CERK: variants seen among roughly 807,000 people sequenced by gnomAD.
CERK encodes the protein acylsphingosine kinase.
CERK carries 39 observed loss-of-function variants against 63.4 expected under a neutral mutation model. The ratio of observed to expected loss-of-function variants is 0.61; its 90% CI spans 0.48 to 0.80. The LOEUF is 0.80. CERK is among the 30% of genes least tolerant of loss of function. CERK has a pLI of 0.00. For synonymous variants in CERK, 302 were observed against 280.0 expected, an observed-to-expected ratio of 1.08 and a Z score of -0.78; for missense variants, 670 against 714.1, an observed-to-expected ratio of 0.94 and a Z score of 0.70.
At chr22:46,724,307 G>A (rs1014640576) in intron 1 of CERK, among the ~76,000 whole-genome samples, 4 of 152,190 alleles carry the variant, frequency 2.6e-5, no homozygotes, top group East Asian at 1.9e-4. Context: ...TGTGTTCATC[G>A]GCTATTTACA....
chr22:46,731,164 G>A (rs2082943466), intron 1 of CERK, among the ~76,000 whole-genome samples: 1 of 152,244 alleles, frequency 6.6e-6, no homozygotes, highest in African/African-American at 2.4e-5. Flanking sequence ...TGGAGACAAA[G>A]GGGCAGCCCA....
intron 1 of CERK, among the ~76,000 whole-genome samples, chr22:46,732,282 G>A (rs1031073259): frequency 3.9e-5 from 6 of 152,184 alleles, no homozygotes; most frequent in Non-Finnish European, 5.9e-5. Flanking sequence ...GGAAGTCCAC[G>A]CTGGGCTAAT....
intron 1 of CERK, among the ~76,000 whole-genome samples, chr22:46,727,259 C>T (rs1038371744): frequency 6.6e-6 from 1 of 151,990 alleles, no homozygotes; most frequent in Non-Finnish European, 1.5e-5. Flanking sequence ...TGTCAGCACA[C>T]CATTAGTAGC....
intron 6 of CERK, among the ~76,000 whole-genome samples, chr22:46,701,995 A>G (rs971545350): frequency 7.2e-5 from 11 of 152,108 alleles, no homozygotes; most frequent in African/African-American, 2.7e-4. Flanking sequence ...AGCCTGGCCA[A>G]CATGGTGAAA....
Position 46,691,556 on chromosome 22 carries a change from A to G in CERK, c.1332+16T>C. ...TACTCGCCAGTGGAGGCTCCATGCA[A>G]GAGCACCCCACTTACCTGGTCCTGC... is the stretch of plus-strand genomic sequence containing the variant. On this transcript the variant is annotated intron_variant, in intron 11 of 12. Coordinates refer to ENST00000216264, the MANE Select transcript of CERK (RefSeq NM_022766.6). 1 of 1,605,708 alleles carries G rather than the reference A, an allele frequency of 6.2e-7. No homozygotes were observed. Among genetic ancestry groups the G allele is most frequent in the Non-Finnish European group, 8.5e-7 (1 of 1,173,398 alleles).
intron 1 of CERK, among the ~76,000 whole-genome samples, chr22:46,721,391 C>T (rs377521281): frequency 3.7e-4 from 56 of 152,164 alleles, no homozygotes; most frequent in East Asian, 3.3e-3. Context: ...CTCCCGGGTT[C>T]GCGCCATTCT....
At chr22:46,720,875 G>T (rs767284479) in intron 2 of CERK, 27 bp downstream of exon 2, 2 of 1,349,238 alleles carry the variant, frequency 1.5e-6, no homozygotes, top group African/African-American at 2.9e-5. Context: ...AATGAAGAAT[G>T]TGGGAGAAGA....
chr22:46,720,229 T>G, intron 2 of CERK, 21 bp from the exon 3 acceptor site: 2 of 1,598,672 alleles, frequency 1.3e-6, no homozygotes, highest in South Asian at 2.2e-5. Flanking sequence ...GCAAGCATGC[T>G]CGTTAGTGCA....
At chr22:46,725,731 A>G (rs2082915091) in intron 1 of CERK, among the ~76,000 whole-genome samples, 1 of 152,188 alleles carries the variant, frequency 6.6e-6, no homozygotes, top group Non-Finnish European at 1.5e-5. Flanking sequence ...CATTCCAGAA[A>G]AATCAAATGC....
chr22:46,693,265 C>T (rs1404336982), intron 10 of CERK, among the ~76,000 whole-genome samples, 162 bp downstream of exon 10: 1 of 152,202 alleles, frequency 6.6e-6, no homozygotes. Flanking sequence ...GTAACAGTGA[C>T]CTGACGCTGC....
At chr22:46,690,819 A>G (rs2082726447) in intron 11 of CERK, among the ~76,000 whole-genome samples, 1 of 152,190 alleles carries the variant, frequency 6.6e-6, no homozygotes, top group African/African-American at 2.4e-5. Context: ...GTGGCCTGCA[A>G]GGGCCACTTA....
At chr22:46,712,737 C>T (rs2082847610) in intron 3 of CERK, among the ~76,000 whole-genome samples, 1 of 152,176 alleles carries the variant, frequency 6.6e-6, no homozygotes. Flanking sequence ...CAGGGAGATG[C>T]TTGCAGAGAT....
intron 11 of CERK, 74 bp from the exon 12 acceptor site, chr22:46,690,274 G>A (rs995133025): frequency 8.1e-7 from 1 of 1,236,278 alleles, no homozygotes. Context: ...AACACCCCAG[G>A]CCTGACAGCG....
At chr22:46,722,963 C>T (rs1379989524) in intron 1 of CERK, among the ~76,000 whole-genome samples, 2 of 152,076 alleles carry the variant, frequency 1.3e-5, no homozygotes, top group African/African-American at 2.4e-5. Context: ...AGGCAGAGGC[C>T]GCTGGGAAGG....
At chr22:46,712,384 T>G (rs1292792863) in intron 3 of CERK, 91 bp from the exon 4 acceptor site, 2 of 1,204,204 alleles carry the variant, frequency 1.7e-6, no homozygotes, top group East Asian at 5.0e-5. Context: ...ATGAGGGTTT[T>G]AGAATTCTGC....
intron 6 of CERK, among the ~76,000 whole-genome samples, chr22:46,702,172 C>T (rs1341435911): frequency 2.3e-5 from 2 of 85,264 alleles, no homozygotes; most frequent in Admixed American, 1.5e-4. Flanking sequence ...AGTGAGACTT[C>T]GTCTCAAAAA....
chr22:46,687,271 A>T, intron 12 of CERK, 65 bp from the exon 13 acceptor site: 3 of 1,179,804 alleles, frequency 2.5e-6, no homozygotes, highest in Non-Finnish European at 3.6e-6. Flanking sequence ...CCTGAGCCCC[A>T]CTCCTGGACA....
intron 1 of CERK, among the ~76,000 whole-genome samples, chr22:46,736,441 C>A (rs2082973969): frequency 6.6e-6 from 1 of 152,054 alleles, no homozygotes; most frequent in Non-Finnish European, 1.5e-5. Context: ...GCCCCTGCAT[C>A]CCTAGGACGG....
chr22:46,701,667 G>A lies in CERK; in HGVS notation c.759C>T (p.Asp253=), dbSNP rs142523444. The A allele has an allele frequency of 1.0e-3, 1,566 of 1,559,764 alleles. 3 individuals carry two copies. Among genetic ancestry groups the A allele is most frequent in the Non-Finnish European group, 1.2e-3 (1,430 of 1,151,682 alleles). ...CVCYSTVGTS[D]AETSALHIVV... is the part of the protein sequence containing the mutation. ...CGATATGCAGCGCCGAGGTTTCTGC[G>A]TCGCTGGTGCCCACGGTGGAGTAAC... Residue 253 remains aspartate (D), a synonymous_variant, in exon 7 of 13, where the codon GAC becomes GAT. Coordinates refer to ENST00000216264, the MANE Select transcript of CERK (RefSeq NM_022766.6).
Sources: allele counts gnomAD v4.1 joint callset (sites outside exome capture counted in the v4.1 genomes callset), GRCh38; gene constraint gnomAD v4.1.1; transcripts MANE v1.5; gene names NCBI Gene and HGNC (gene_info 2026-07-23, HGNC 2026-07-21).